Variants in CCDC57 observed in about 807,000 individuals in gnomAD.
CCDC57 encodes the protein coiled-coil domain containing 57, also known as coiled-coil domain-containing protein 57.
CCDC57 carries 118 observed loss-of-function variants against 118.9 expected under a neutral mutation model. That is an observed-to-expected ratio of 0.99 (90% CI 0.86 to 1.16). The LOEUF (loss-of-function observed/expected upper bound fraction) is 1.16, where lower values mean the gene tolerates loss of function less well. Among genes scored for constraint, CCDC57 ranks in the 50% most tolerant of loss-of-function variants. The pLI, the probability that CCDC57 is intolerant of heterozygous loss-of-function variation, is 0.00. For synonymous variants in CCDC57, 527 were observed against 532.9 expected (o/e 0.99, Z 0.15); for missense variants, 1,300 against 1,320.7 (o/e 0.98, Z 0.24).
intron 2 of CCDC57, among the ~76,000 whole-genome samples, chr17:82,205,833 C>T (rs1025682669): frequency 1.3e-5 from 2 of 152,224 alleles, no homozygotes; most frequent in Admixed American, 6.5e-5. Context: ...ACACTCAGGA[C>T]CCATAAGAAG....
chr17:82,200,956 G>A (rs982203531), intron 3 of CCDC57, among the ~76,000 whole-genome samples: 2 of 152,190 alleles, frequency 1.3e-5, no homozygotes, highest in African/African-American at 4.8e-5. Flanking sequence ...AATGTGCTAT[G>A]ATGAACCTGC....
In CCDC57 at chr17:82,172,873, A is replaced by T. The variant is rs1211003529; in HGVS notation, c.1507-13T>A. 1 of 1,601,774 alleles carries T rather than the reference A, an allele frequency of 6.2e-7. No individual in the cohort carries two copies. Among genetic ancestry groups the T allele is most frequent in the Non-Finnish European group, 8.5e-7 (1 of 1,173,306 alleles). ...GCCTGAGAAGCATCTGTCAAATACA[A>T]GGAAAAATGGCTACAAAAAGATGAA... On this transcript the variant is annotated splice_polypyrimidine_tract_variant and intron_variant, in intron 11 of 19. Coordinates refer to ENST00000665763, the Ensembl canonical transcript of CCDC57. This position sits in a 1 kb window ranked among gnomAD's most constrained non-coding sequence, Gnocchi z 5.2.
intron 1 of CCDC57, among the ~76,000 whole-genome samples, chr17:82,208,405 C>T (rs1280540305): frequency 6.6e-6 from 1 of 151,772 alleles, no homozygotes; most frequent in African/African-American, 2.4e-5. Flanking sequence ...TACAGGCGCC[C>T]GCCACCATGC....
intron 2 of CCDC57, among the ~76,000 whole-genome samples, chr17:82,204,029 GC>G (rs1230613130): frequency 6.6e-6 from 1 of 152,170 alleles, no homozygotes; most frequent in Non-Finnish European, 1.5e-5. Context: ...AGACCCGTGG[GC>G]CCCTCCAGAA....
rs553788820 is a variant in CCDC57 at position 82,118,663 on chromosome 17, T to A, written c.2899+9029A>T. On this transcript the variant is annotated intron_variant, in intron 19 of 19. Coordinates refer to ENST00000665763, the Ensembl canonical transcript of CCDC57. The surrounding 1 kb of genome is among the most constrained non-coding windows in gnomAD (Gnocchi z 4.7). ...TATTTCTTTGGGGTGAGGTCAGACA[T>A]CTGCCTGGGTGCTTCTCTGGAACTG... 1.3e-5 allele frequency among the ~76,000 whole-genome samples: 2 copies of A among 152,106 alleles called. No homozygotes were observed. Among genetic ancestry groups the A allele is most frequent in the Non-Finnish European group, 2.9e-5 (2 of 68,016 alleles).
At chr17:82,109,057 C>G (rs1287091435) in intron 19 of CCDC57, 1 of 152,250 alleles carries the variant, frequency 6.6e-6, no homozygotes, top group Non-Finnish European at 1.5e-5. Flanking sequence ...CCTCCAAATA[C>G]CTACAGGGAT....
At chr17:82,109,490 G>C (rs1280866100) in intron 19 of CCDC57, among the ~76,000 whole-genome samples, 1 of 152,216 alleles carries the variant, frequency 6.6e-6, no homozygotes, top group Non-Finnish European at 1.5e-5. Flanking sequence ...AGTTCCAGTA[G>C]ACAATAGTTC....
chr17:82,201,835 T>G, exon 3 of CCDC57: 1 of 1,613,626 alleles, frequency 6.2e-7, no homozygotes, highest in Non-Finnish European at 8.5e-7. Flanking sequence ...CCGTGTGTCC[T>G]GCAGAGCCGC....
chr17:82,131,983 T>A (rs1025331086), intron 17 of CCDC57, among the ~76,000 whole-genome samples: 1 of 151,846 alleles, frequency 6.6e-6, no homozygotes. Flanking sequence ...CCAGGCATGC[T>A]GGCGGGCGCC....
chr17:82,103,297 G>GTCACACA (rs1568127681), intron 19 of CCDC57, among the ~76,000 whole-genome samples: 45 of 151,666 alleles, frequency 3.0e-4, no homozygotes, highest in African/African-American at 1.1e-3. Context: ...GCCCCGTTGG[G>GTCACACA]GTCACACAGT....
At chr17:82,176,745 C>T (rs1458894156) in intron 11 of CCDC57, among the ~76,000 whole-genome samples, 1 of 152,122 alleles carries the variant, frequency 6.6e-6, no homozygotes. Context: ...TGGAGTTTTA[C>T]TTGCTTCCAA....
intron 19 of CCDC57, among the ~76,000 whole-genome samples, chr17:82,125,170 C>T (rs780119532): frequency 6.6e-6 from 1 of 152,088 alleles, no homozygotes; most frequent in Admixed American, 6.6e-5. Flanking sequence ...TGCGTCAATC[C>T]TAAGAACACT....
chr17:82,102,169 C>T (rs2144835509), intron 19 of CCDC57, among the ~76,000 whole-genome samples: 1 of 152,274 alleles, frequency 6.6e-6, no homozygotes, highest in Middle Eastern at 3.4e-3. Flanking sequence ...TAATGGGTCC[C>T]AGGAGGGGGC....
chr17:82,189,369 G>A lies in CCDC57; in HGVS notation c.852-950C>T, dbSNP rs149857012. On this transcript the variant is annotated intron_variant, in intron 7 of 19. Transcript: ENST00000665763. ...TGAGCATATTAGGTTCTACTAAGCA[G>A]AGTGCTATCAGGTATATGTAATGTT... 7.2e-4 allele frequency among the ~76,000 whole-genome samples: 109 copies of A among 152,296 alleles called. 2 individuals carry two copies. Among genetic ancestry groups the A allele is most frequent in the African/African-American group, 2.3e-3 (96 of 41,578 alleles).
chr17:82,202,988 T>C (rs2049176137), intron 2 of CCDC57, among the ~76,000 whole-genome samples: 1 of 152,194 alleles, frequency 6.6e-6, no homozygotes, highest in Admixed American at 6.5e-5. Context: ...TCCTGGAAGA[T>C]TCACCACCTG....
intron 17 of CCDC57, among the ~76,000 whole-genome samples, chr17:82,131,122 A>AT (rs1276797749): frequency 1.3e-5 from 2 of 149,824 alleles, no homozygotes; most frequent in Non-Finnish European, 3.0e-5. Flanking sequence ...TACTGGCCAC[A>AT]TTTTTTTTAA....
intron 14 of CCDC57, among the ~76,000 whole-genome samples, chr17:82,161,862 G>T (rs1280012917): frequency 2.0e-5 from 3 of 151,854 alleles, no homozygotes; most frequent in South Asian, 2.1e-4. Context: ...CCACTGAAAG[G>T]TACACTTTAA....
At position 82,172,921 on chromosome 17, in the gene CCDC57, A is replaced by G. The variant is rs2044941763; in HGVS notation, c.1507-61T>C. ...GAATGGTTCCCCAGCTTGTCCTGAC[A>G]GGCTGTGCCTCCGCTCTCCCCGCGC... On this transcript the variant is annotated intron_variant, in intron 11 of 19. Transcript: ENST00000665763. The surrounding 1 kb of genome is among the most constrained non-coding windows in gnomAD (Gnocchi z 5.2). 7.5e-6 allele frequency: 11 copies of G among 1,473,096 alleles called. No individual in the cohort carries two copies. Among genetic ancestry groups the G allele is most frequent in the Non-Finnish European group, 9.3e-6 (10 of 1,074,312 alleles). The allele number at this position is 1,473,096 out of a possible 1,614,324, so 91.3% of individuals were successfully genotyped here.
At chr17:82,146,173 C>T (rs554757049) in intron 16 of CCDC57, among the ~76,000 whole-genome samples, 13 of 152,186 alleles carry the variant, frequency 8.5e-5, no homozygotes, top group Non-Finnish European at 1.6e-4. Flanking sequence ...ACAGGCAGAG[C>T]AGGTCCTGCT....
Sources: allele counts gnomAD v4.1 joint callset (sites outside exome capture counted in the v4.1 genomes callset), GRCh38; gene constraint gnomAD v4.1.1; non-coding constraint Gnocchi (gnomAD v3.1); transcripts MANE v1.5; gene names NCBI Gene and HGNC (gene_info 2026-07-23, HGNC 2026-07-21).